The following CALCR variants were observed in gnomAD, a reference collection of about 807,000 sequenced individuals.
CALCR encodes calcitonin receptor.
In CALCR, 47 loss-of-function variants were observed where a neutral mutation model predicts 59.5. The ratio of observed to expected loss-of-function variants is 0.79; its 90% CI spans 0.63 to 1.01. The LOEUF is 1.01. CALCR is among the 50% of genes least tolerant of loss of function. The pLI is 0.00. For missense variants in CALCR, 566 were observed against 597.1 expected (o/e 0.95, Z 0.54); for synonymous variants, 213 against 211.3 (o/e 1.01, Z -0.07).
At chr7:93,499,953 C>T (rs1443677241) in intron 2 of CALCR, among the ~76,000 whole-genome samples, 2 of 151,836 alleles carry the variant, frequency 1.3e-5, no homozygotes, top group African/African-American at 4.8e-5. Flanking sequence ...TGTCCTTATA[C>T]ACACACTGTT....
chr7:93,501,613 C>T (rs773629069), intron 2 of CALCR, among the ~76,000 whole-genome samples: 9 of 151,852 alleles, frequency 5.9e-5, no homozygotes, highest in African/African-American at 9.7e-5. Flanking sequence ...ATAGGTAATC[C>T]GATTCATATT....
intron 2 of CALCR, among the ~76,000 whole-genome samples, chr7:93,556,119 T>C (rs1584629565): frequency 6.6e-6 from 1 of 152,176 alleles, no homozygotes; most frequent in East Asian, 1.9e-4. Context: ...TCAAGATACT[T>C]GGGGATACTT....
intron 8 of CALCR, among the ~76,000 whole-genome samples, chr7:93,454,916 T>TTGTGTGTGTGTGTG (rs4015273): frequency 8.0e-4 from 116 of 144,998 alleles, no homozygotes; most frequent in African/African-American, 2.8e-3. Flanking sequence ...ACAGGGCATT[T>TTGTGTGTGTGTGTG]TGTGTGTGTG....
At chr7:93,539,657 G>A (rs1046769023) in intron 2 of CALCR, among the ~76,000 whole-genome samples, 1 of 151,894 alleles carries the variant, frequency 6.6e-6, no homozygotes, top group Non-Finnish European at 1.5e-5. Context: ...GTGTTCTTGT[G>A]CAAGTTACCT....
chr7:93,449,517 C>T (rs1409437637), intron 8 of CALCR, among the ~76,000 whole-genome samples: 1 of 152,004 alleles, frequency 6.6e-6, no homozygotes. Context: ...CTTCCATCTC[C>T]ACCCTCAGGA....
chr7:93,458,068 A>AT (rs1391522508), intron 8 of CALCR, among the ~76,000 whole-genome samples: 1 of 152,174 alleles, frequency 6.6e-6, no homozygotes, highest in Non-Finnish European at 1.5e-5. Flanking sequence ...CTTTAAATCA[A>AT]TTGACATTAA....
chr7:93,524,368 C>T (rs1458862167), intron 2 of CALCR, among the ~76,000 whole-genome samples: 1 of 151,980 alleles, frequency 6.6e-6, no homozygotes, highest in African/African-American at 2.4e-5. Flanking sequence ...GACGCGGTTT[C>T]ACCGTGTTAG....
intron 8 of CALCR, among the ~76,000 whole-genome samples, chr7:93,455,353 G>A (rs1978117): frequency 0.6 from 90,265 of 151,702 alleles, 28,460 homozygotes; most frequent in African/African-American, 0.82. Context: ...ATATTTGTAG[G>A]TTGACAATGT....
At chr7:93,544,092 T>C (rs1789218781) in intron 2 of CALCR, among the ~76,000 whole-genome samples, 1 of 152,006 alleles carries the variant, frequency 6.6e-6, no homozygotes, top group Non-Finnish European at 1.5e-5. Context: ...ATAAATGTAG[T>C]TGGAATACAC....
intron 2 of CALCR, among the ~76,000 whole-genome samples, chr7:93,557,246 C>A (rs1217803749): frequency 1.3e-5 from 2 of 151,820 alleles, no homozygotes; most frequent in Non-Finnish European, 2.9e-5. Context: ...TAAGAGTACA[C>A]ATCTGATAGT....
At chr7:93,434,019 CA>C (rs780970498) in intron 13 of CALCR, among the ~76,000 whole-genome samples, 1 of 152,182 alleles carries the variant, frequency 6.6e-6, no homozygotes, top group Non-Finnish European at 1.5e-5. Context: ...CTGATCTGTT[CA>C]AGATGCAACC....
chr7:93,477,206 C>T (rs1207687717), intron 5 of CALCR, among the ~76,000 whole-genome samples: 2 of 151,884 alleles, frequency 1.3e-5, no homozygotes, highest in Non-Finnish European at 2.9e-5. Flanking sequence ...TTAGTTTCAG[C>T]ATCTGGGTCT....
chr7:93,430,218 A>G (rs1200377332), intron 13 of CALCR, among the ~76,000 whole-genome samples: 2 of 152,146 alleles, frequency 1.3e-5, no homozygotes, highest in African/African-American at 2.4e-5. Context: ...TACAGGCGTG[A>G]GCCACCACGC....
chr7:93,446,953 A>G (rs1800016904), intron 8 of CALCR, among the ~76,000 whole-genome samples: 1 of 151,988 alleles, frequency 6.6e-6, no homozygotes, highest in African/African-American at 2.4e-5. Context: ...ACTCCATTTT[A>G]TTTTCTTCAT....
chr7:93,426,883 A>G (rs1371869638), intron 13 of CALCR, among the ~76,000 whole-genome samples: 1 of 152,204 alleles, frequency 6.6e-6, no homozygotes, highest in African/African-American at 2.4e-5. Flanking sequence ...ATTTGGTTTC[A>G]CAGGTAATGT....
intron 13 of CALCR, among the ~76,000 whole-genome samples, chr7:93,430,442 T>G (rs1453951492): frequency 3.3e-5 from 5 of 152,236 alleles, no homozygotes; most frequent in Non-Finnish European, 5.9e-5. Context: ...TACTTGATTA[T>G]AGAATCAGAG....
At chr7:93,436,208 A>G (rs765853136) in intron 11 of CALCR, 38 bp from the exon 12 acceptor site, 1 of 1,518,470 alleles carries the variant, frequency 6.6e-7, no homozygotes, top group Non-Finnish European at 9.1e-7. Context: ...TCATACAGAA[A>G]AGTATCACTT....
At chr7:93,460,753 C>G in intron 8 of CALCR, 68 bp downstream of exon 8, 1 of 1,167,440 alleles carries the variant, frequency 8.6e-7, no homozygotes, top group Admixed American at 2.7e-5. Flanking sequence ...ACATGAACAC[C>G]ATGTTCACTA....
intron 2 of CALCR, among the ~76,000 whole-genome samples, chr7:93,517,103 T>A (rs553622692): frequency 4.0e-5 from 6 of 151,836 alleles, no homozygotes; most frequent in Non-Finnish European, 8.8e-5. Flanking sequence ...TCAGTTTTGC[T>A]TCTGCCTAGT....
Sources: allele counts gnomAD v4.1 joint callset (sites outside exome capture counted in the v4.1 genomes callset), GRCh38; gene constraint gnomAD v4.1.1; transcripts MANE v1.5; gene names NCBI Gene and HGNC (gene_info 2026-07-23, HGNC 2026-07-21).